Variants in RPS6KC1 observed in about 807,000 individuals in gnomAD.
RPS6KC1 encodes the protein inactive ribosomal protein S6 kinase delta-1.
Under a neutral mutation model 103.8 loss-of-function variants are expected in RPS6KC1, and 54 were observed. That is an observed-to-expected ratio of 0.52 (90% CI 0.42 to 0.65). The LOEUF is 0.65. Ranked by LOEUF, RPS6KC1 falls within the 30% of genes least tolerant of loss-of-function variation. The probability of loss-of-function intolerance (pLI) is 0.00; values close to 1 mark genes in which losing one functional copy is unlikely to be tolerated. For missense variants in RPS6KC1, 1,151 were observed against 1,253.8 expected (o/e 0.92, Z 1.24); for synonymous variants, 439 against 438.7 (o/e 1.00, Z -0.01).
intron 7 of RPS6KC1, among the ~76,000 whole-genome samples, chr1:213,175,547 C>T (rs1012085881): frequency 3.3e-5 from 5 of 152,072 alleles, no homozygotes; most frequent in Non-Finnish European, 5.9e-5. Context: ...TTGTAAATGT[C>T]GTATGGAGGT....
At chr1:213,060,760 A>G (rs560075243) in intron 1 of RPS6KC1, among the ~76,000 whole-genome samples, 4 of 152,322 alleles carry the variant, frequency 2.6e-5, no homozygotes, top group African/African-American at 9.6e-5. Context: ...TGAGAAAAAT[A>G]ACTTTAGCAA....
At chr1:213,650,087 A>G in the RPS6KC1 span, among the ~76,000 whole-genome samples, 1 of 152,336 alleles carries the variant, frequency 6.6e-6, no homozygotes, top group South Asian at 2.1e-4. Context: ...CAGTGGATGC[A>G]GGAGCCCAGC....
chr1:213,732,821 C>T, the RPS6KC1 span, among the ~76,000 whole-genome samples: 5 of 152,160 alleles, frequency 3.3e-5, no homozygotes. Context: ...CCAATCTCAG[C>T]CCCTAGTAAC....
chr1:213,171,444 T>A (rs1337032858), intron 7 of RPS6KC1, among the ~76,000 whole-genome samples: 1 of 152,144 alleles, frequency 6.6e-6, no homozygotes, highest in Admixed American at 6.5e-5. Context: ...TTAGAATAGT[T>A]TTTTTGCTTT....
At chr1:213,497,535 A>G in the RPS6KC1 span, among the ~76,000 whole-genome samples, 1 of 152,198 alleles carries the variant, frequency 6.6e-6, no homozygotes, top group Non-Finnish European at 1.5e-5. Flanking sequence ...GAAAATAACA[A>G]GAACACTGCA....
At chr1:213,281,095 A>G in the RPS6KC1 span, among the ~76,000 whole-genome samples, 1 of 152,068 alleles carries the variant, frequency 6.6e-6, no homozygotes, top group Non-Finnish European at 1.5e-5. Flanking sequence ...GAAATGTAGT[A>G]TCTGGTGAAC....
At chr1:213,674,878 C>T in the RPS6KC1 span, among the ~76,000 whole-genome samples, 2 of 152,072 alleles carry the variant, frequency 1.3e-5, no homozygotes, top group Non-Finnish European at 2.9e-5. Flanking sequence ...ATTTTCATTT[C>T]TCTGATGATT....
At chr1:213,256,351 G>A (rs1206218347) in intron 12 of RPS6KC1, among the ~76,000 whole-genome samples, 1 of 151,842 alleles carries the variant, frequency 6.6e-6, no homozygotes, top group East Asian at 1.9e-4. Flanking sequence ...TAGCTAAAGT[G>A]TCTCCAGCAG....
intron 8 of RPS6KC1, among the ~76,000 whole-genome samples, chr1:213,191,676 T>C (rs1178875176): frequency 6.6e-6 from 1 of 152,182 alleles, no homozygotes; most frequent in Non-Finnish European, 1.5e-5. Flanking sequence ...TGGTACTGTA[T>C]TGAATAACAG....
chr1:213,776,166 T>C, the RPS6KC1 span, among the ~76,000 whole-genome samples: 1 of 152,228 alleles, frequency 6.6e-6, no homozygotes. Context: ...CCTATTAATG[T>C]GGACATTTTC....
chr1:213,262,884 C>T (rs553829096), intron 14 of RPS6KC1, 68 bp downstream of exon 14: 1 of 925,540 alleles, frequency 1.1e-6, no homozygotes, highest in East Asian at 2.4e-5. Context: ...AACTCCAAAA[C>T]CTTAAAAAGA....
chr1:213,439,260 A>G, the RPS6KC1 span, among the ~76,000 whole-genome samples: 2 of 152,066 alleles, frequency 1.3e-5, no homozygotes, highest in African/African-American at 2.4e-5. Flanking sequence ...GCTCACTTCA[A>G]TGTGTGTTTC....
chr1:213,336,306 A>G, the RPS6KC1 span, among the ~76,000 whole-genome samples: 1 of 152,238 alleles, frequency 6.6e-6, no homozygotes, highest in Non-Finnish European at 1.5e-5. Flanking sequence ...CCAGAGCTAG[A>G]CAGTAGTGGA....
At chr1:213,337,746 T>C in the RPS6KC1 span, among the ~76,000 whole-genome samples, 1 of 152,214 alleles carries the variant, frequency 6.6e-6, no homozygotes, top group Non-Finnish European at 1.5e-5. Context: ...TATTGTCTGC[T>C]GTGTACCAGG....
chr1:213,262,942 G>A (rs1277460614), intron 14 of RPS6KC1, 126 bp downstream of exon 14: 16 of 682,656 alleles, frequency 2.3e-5, no homozygotes, highest in Non-Finnish European at 3.4e-5. Flanking sequence ...ACAAAGACAC[G>A]TTCAGAATTA....
chr1:213,729,580 T>C, the RPS6KC1 span, among the ~76,000 whole-genome samples: 1 of 151,966 alleles, frequency 6.6e-6, no homozygotes, highest in Non-Finnish European at 1.5e-5. Context: ...GGAAACCTGT[T>C]GGTCTCTCAA....
At chr1:213,493,152 G>A in the RPS6KC1 span, among the ~76,000 whole-genome samples, 1 of 152,132 alleles carries the variant, frequency 6.6e-6, no homozygotes, top group Non-Finnish European at 1.5e-5. Flanking sequence ...TTTCCATAAG[G>A]TTTGTATTTA....
At chr1:213,797,910 T>C in the RPS6KC1 span, among the ~76,000 whole-genome samples, 1 of 152,322 alleles carries the variant, frequency 6.6e-6, no homozygotes, top group South Asian at 2.1e-4. Flanking sequence ...CAGTTGACTT[T>C]GTTGGAAAAT....
At chr1:213,342,581 G>A in the RPS6KC1 span, among the ~76,000 whole-genome samples, 9,998 of 152,052 alleles carry the variant, frequency 0.066, 453 homozygotes, top group Middle Eastern at 0.11. Flanking sequence ...TGTTCCCATC[G>A]ATGTACCCTA....
Sources: gnomAD v4.1 joint callset for allele counts (sites outside exome capture counted in the v4.1 genomes callset) on GRCh38, gnomAD v4.1.1 for gene constraint, MANE v1.5 for transcripts, NCBI Gene and HGNC (gene_info 2026-07-23, HGNC 2026-07-21) for gene names.